The following CALN1 variants were observed in gnomAD, a reference collection of about 807,000 sequenced individuals.
The protein encoded by CALN1 is calcium-binding protein 8.
A neutral mutation model predicts 30.6 loss-of-function variants in CALN1; 17 were observed. The ratio of observed to expected loss-of-function variants is 0.56; its 90% confidence interval spans 0.38 to 0.83. The LOEUF is 0.83. CALN1 is among the 40% of genes least tolerant of loss of function. The pLI, the probability that CALN1 is intolerant of heterozygous loss-of-function variation, is 0.00. For missense variants in CALN1, 291 were observed against 354.9 expected (o/e 0.82, Z 1.45); for synonymous variants, 156 against 131.4 (o/e 1.19, Z -1.28).
intron 2 of CALN1, among the ~76,000 whole-genome samples, chr7:72,315,386 G>GT (rs1345208227): frequency 6.6e-6 from 1 of 152,060 alleles, no homozygotes; most frequent in Non-Finnish European, 1.5e-5. Context: ...AAAACAAAAC[G>GT]TATGTGCTCA....
intron 3 of CALN1, among the ~76,000 whole-genome samples, chr7:72,242,246 G>A (rs1386347180): frequency 6.6e-6 from 1 of 152,118 alleles, no homozygotes; most frequent in African/African-American, 2.4e-5. Flanking sequence ...TCCATTCAAT[G>A]GCTATACCAC....
chr7:72,262,821 A>G (rs376650861), intron 3 of CALN1, among the ~76,000 whole-genome samples: 13 of 152,174 alleles, frequency 8.5e-5, no homozygotes, highest in Admixed American at 7.2e-4. Context: ...CTCTCTGGCA[A>G]TTTAAGTCTG....
At chr7:71,800,902 A>G (rs1787260337) in intron 6 of CALN1, among the ~76,000 whole-genome samples, 1 of 152,150 alleles carries the variant, frequency 6.6e-6, no homozygotes, top group African/African-American at 2.4e-5. Flanking sequence ...TGCTGCACCT[A>G]TCAACCCATT....
At chr7:71,825,024 G>C (rs1788829786) in intron 5 of CALN1, among the ~76,000 whole-genome samples, 1 of 152,214 alleles carries the variant, frequency 6.6e-6, no homozygotes, top group Non-Finnish European at 1.5e-5. Flanking sequence ...CAGTAGATCT[G>C]CATAACTTCC....
At chr7:71,997,366 G>A (rs1262052246) in intron 5 of CALN1, among the ~76,000 whole-genome samples, 1 of 152,140 alleles carries the variant, frequency 6.6e-6, no homozygotes, top group African/African-American at 2.4e-5. Context: ...TGTGAGGACA[G>A]ATCAATAAAA....
chr7:72,033,596 T>A (rs1255791811), intron 4 of CALN1, among the ~76,000 whole-genome samples: 1 of 151,854 alleles, frequency 6.6e-6, no homozygotes, highest in Non-Finnish European at 1.5e-5. Context: ...TTCTAATGAA[T>A]TGCAAAGGGA....
intron 5 of CALN1, among the ~76,000 whole-genome samples, chr7:71,988,364 G>A (rs1798783809): frequency 6.6e-6 from 1 of 152,104 alleles, no homozygotes; most frequent in Admixed American, 6.5e-5. Context: ...ACACCATATC[G>A]TATCTCCAAA....
chr7:72,417,838 G>A (rs1046242602), intron 1 of CALN1, among the ~76,000 whole-genome samples: 2 of 152,124 alleles, frequency 1.3e-5, no homozygotes, highest in Admixed American at 6.5e-5. Flanking sequence ...CATGATCACA[G>A]AGACCTTGTG....
At chr7:72,033,224 T>C (rs962951707) in intron 4 of CALN1, among the ~76,000 whole-genome samples, 7 of 152,170 alleles carry the variant, frequency 4.6e-5, no homozygotes, top group African/African-American at 1.7e-4. Flanking sequence ...GTGCCAGGAC[T>C]GTACAACATT....
intron 2 of CALN1, among the ~76,000 whole-genome samples, chr7:72,291,664 C>G (rs1465327347): frequency 6.6e-6 from 1 of 152,122 alleles, no homozygotes. Flanking sequence ...GAGACTGAGT[C>G]TAGCTCCCAC....
At chr7:72,501,924 A>ATATATATATATATAT in the CALN1 span, among the ~76,000 whole-genome samples, 4 of 84,266 alleles carry the variant, frequency 4.7e-5, no homozygotes, top group African/African-American at 2.7e-4. Context: ...AAAAAAAAAA[A>ATATATATATATATAT]AAAAATATAT....
chr7:72,294,924 AGTGT>A (rs945899721), intron 2 of CALN1, among the ~76,000 whole-genome samples: 4 of 152,092 alleles, frequency 2.6e-5, no homozygotes, highest in African/African-American at 7.2e-5. Flanking sequence ...TGCATTTCTG[AGTGT>A]GTGTGTCCCC....
chr7:72,154,590 C>G (rs532942993), intron 3 of CALN1, among the ~76,000 whole-genome samples: 8 of 152,258 alleles, frequency 5.3e-5, no homozygotes, highest in African/African-American at 1.9e-4. Context: ...AAACCTTTAC[C>G]CTTTTTGCCC....
intron 5 of CALN1, among the ~76,000 whole-genome samples, chr7:71,982,386 G>A (rs1798446118): frequency 6.6e-6 from 1 of 152,222 alleles, no homozygotes; most frequent in Non-Finnish European, 1.5e-5. Context: ...CCTGAGGTCA[G>A]GAGTTCAAGA....
intron 5 of CALN1, among the ~76,000 whole-genome samples, chr7:71,968,384 G>C (rs1335621031): frequency 3.3e-5 from 5 of 152,134 alleles, no homozygotes; most frequent in Non-Finnish European, 4.4e-5. Context: ...CTGGGACTAG[G>C]GCTACTGACT....
At chr7:72,141,096 G>A (rs759978593) in intron 3 of CALN1, among the ~76,000 whole-genome samples, 3 of 152,212 alleles carry the variant, frequency 2.0e-5, no homozygotes, top group Non-Finnish European at 2.9e-5. Flanking sequence ...ACTGGCTCCA[G>A]CCTCTCTGCG....
intron 5 of CALN1, among the ~76,000 whole-genome samples, chr7:71,893,592 G>A (rs1369648160): frequency 6.6e-6 from 1 of 151,998 alleles, no homozygotes; most frequent in Non-Finnish European, 1.5e-5. Context: ...TTGGGAGGCT[G>A]AGGATGGAGA....
At chr7:72,222,243 A>T (rs901822988) in intron 3 of CALN1, among the ~76,000 whole-genome samples, 13 of 151,970 alleles carry the variant, frequency 8.6e-5, no homozygotes, top group Non-Finnish European at 1.9e-4. Flanking sequence ...GAAAAAAAAA[A>T]AGAAAGAAAG....
chr7:72,194,553 G>GAAACAA (rs1790850542), intron 3 of CALN1, among the ~76,000 whole-genome samples: 1 of 149,118 alleles, frequency 6.7e-6, no homozygotes, highest in Non-Finnish European at 1.5e-5. Context: ...AACAGAAACA[G>GAAACAA]AAACAGGTTT....
Sources: allele counts gnomAD v4.1 joint callset (sites outside exome capture counted in the v4.1 genomes callset), GRCh38; gene constraint gnomAD v4.1.1; transcripts MANE v1.5; gene names NCBI Gene and HGNC (gene_info 2026-07-23, HGNC 2026-07-21).